Variants in RAB3C observed in about 807,000 individuals in gnomAD.
RAB3C encodes ras-related protein Rab-3C.
Under a neutral mutation model 26.4 loss-of-function variants are expected in RAB3C, and 17 were observed. That is an observed-to-expected ratio of 0.64 (90% CI 0.44 to 0.97). The LOEUF (loss-of-function observed/expected upper bound fraction) is 0.97, where lower values mean the gene tolerates loss of function less well. Among genes scored for constraint, RAB3C ranks in the 50% least tolerant of loss-of-function variants. RAB3C has a pLI of 0.00. For missense variants in RAB3C, 242 were observed against 281.9 expected (o/e 0.86, Z 1.01); for synonymous variants, 91 against 95.9 (o/e 0.95, Z 0.30).
intron 3 of RAB3C, among the ~76,000 whole-genome samples, chr5:58,791,735 T>C (rs890113133): frequency 6.6e-6 from 1 of 152,192 alleles, no homozygotes; most frequent in Admixed American, 6.5e-5. Flanking sequence ...GATAAGCAGG[T>C]CTCTACCATC....
At chr5:58,637,070 A>G (rs1368589571) in intron 2 of RAB3C, among the ~76,000 whole-genome samples, 1 of 148,256 alleles carries the variant, frequency 6.7e-6, no homozygotes, top group Non-Finnish European at 1.5e-5. Context: ...TTGAGAGAGC[A>G]TTATCATTTT....
At chr5:58,778,472 G>C (rs1416486853) in intron 3 of RAB3C, among the ~76,000 whole-genome samples, 1 of 152,104 alleles carries the variant, frequency 6.6e-6, no homozygotes, top group Admixed American at 6.6e-5. Context: ...ATAAGAAAGG[G>C]AACAAAGGCA....
At chr5:58,612,303 A>T (rs1006152645) in intron 1 of RAB3C, among the ~76,000 whole-genome samples, 3 of 151,822 alleles carry the variant, frequency 2.0e-5, no homozygotes, top group Non-Finnish European at 4.4e-5. Flanking sequence ...ATATCATTGA[A>T]TCTATAAATT....
intron 3 of RAB3C, among the ~76,000 whole-genome samples, chr5:58,762,713 A>C (rs930732103): frequency 6.6e-6 from 1 of 152,176 alleles, no homozygotes; most frequent in African/African-American, 2.4e-5. Context: ...TAAATAACTT[A>C]TTAAATTGAC....
At chr5:58,610,662 T>G (rs1250454755) in intron 1 of RAB3C, among the ~76,000 whole-genome samples, 2 of 152,118 alleles carry the variant, frequency 1.3e-5, no homozygotes, top group Non-Finnish European at 2.9e-5. Flanking sequence ...CATTTTTTTT[T>G]GGATAATTTA....
chr5:58,841,691 G>A (rs1743879141), intron 4 of RAB3C, among the ~76,000 whole-genome samples: 1 of 152,208 alleles, frequency 6.6e-6, no homozygotes, highest in Non-Finnish European at 1.5e-5. Flanking sequence ...TGTGGTGGCA[G>A]TGGGGGCTGG....
At chr5:58,613,882 G>A (rs1005200086) in intron 1 of RAB3C, among the ~76,000 whole-genome samples, 1 of 151,998 alleles carries the variant, frequency 6.6e-6, no homozygotes, top group Non-Finnish European at 1.5e-5. Context: ...AGCAGGAGGA[G>A]AGAAAGCTTA....
chr5:58,610,605 A>G (rs1746679005), intron 1 of RAB3C, among the ~76,000 whole-genome samples: 4 of 152,012 alleles, frequency 2.6e-5, no homozygotes, highest in Admixed American at 2.6e-4. Context: ...CTTCCAATAC[A>G]TATATCCCAT....
intron 2 of RAB3C, among the ~76,000 whole-genome samples, chr5:58,673,359 G>C (rs1413652404): frequency 6.6e-6 from 1 of 151,876 alleles, no homozygotes; most frequent in African/African-American, 2.4e-5. Context: ...CCAATTCAAA[G>C]TTTCTTCCCC....
At chr5:58,843,301 C>A (rs1452664017) in intron 4 of RAB3C, among the ~76,000 whole-genome samples, 1 of 152,092 alleles carries the variant, frequency 6.6e-6, no homozygotes, top group Non-Finnish European at 1.5e-5. Flanking sequence ...TCCTCCACAG[C>A]AAAAATAACT....
chr5:58,769,998 T>A (rs528380278), intron 3 of RAB3C, among the ~76,000 whole-genome samples: 2 of 152,324 alleles, frequency 1.3e-5, no homozygotes, highest in African/African-American at 4.8e-5. Context: ...ATCCATTCCA[T>A]CATGATCATT....
intron 1 of RAB3C, among the ~76,000 whole-genome samples, chr5:58,589,641 G>A (rs981667348): frequency 6.6e-6 from 1 of 151,992 alleles, no homozygotes; most frequent in Non-Finnish European, 1.5e-5. Context: ...TTAGTATATT[G>A]TATTAGGCAG....
At chr5:58,811,233 C>T (rs971754848) in intron 3 of RAB3C, among the ~76,000 whole-genome samples, 4 of 152,294 alleles carry the variant, frequency 2.6e-5, no homozygotes, top group Middle Eastern at 3.4e-3. Flanking sequence ...AACTGTGGAG[C>T]TTGGCCTTTT....
chr5:58,706,872 A>G (rs374020875), intron 2 of RAB3C, among the ~76,000 whole-genome samples: 1 of 152,236 alleles, frequency 6.6e-6, no homozygotes, highest in East Asian at 1.9e-4. Flanking sequence ...TACCGTTGAG[A>G]CAAAGGGTTT....
chr5:58,597,273 A>G (rs1179155228), intron 1 of RAB3C, among the ~76,000 whole-genome samples: 4 of 71,710 alleles, frequency 5.6e-5, no homozygotes, highest in Non-Finnish European at 8.5e-5. Context: ...AATATATTAT[A>G]TAATATATAC....
At chr5:58,820,579 T>A (rs1743314895) in intron 3 of RAB3C, among the ~76,000 whole-genome samples, 1 of 152,344 alleles carries the variant, frequency 6.6e-6, no homozygotes, top group East Asian at 1.9e-4. Flanking sequence ...GTAGCACAAA[T>A]GCTCTAGACC....
intron 2 of RAB3C, among the ~76,000 whole-genome samples, chr5:58,666,123 A>G (rs1438122668): frequency 6.6e-6 from 1 of 152,184 alleles, no homozygotes; most frequent in Non-Finnish European, 1.5e-5. Flanking sequence ...GTTCCAACAC[A>G]CAGGGGTAAG....
At chr5:58,790,237 T>C (rs776146476) in intron 3 of RAB3C, among the ~76,000 whole-genome samples, 2 of 152,228 alleles carry the variant, frequency 1.3e-5, no homozygotes, top group Non-Finnish European at 2.9e-5. Flanking sequence ...ACTAGACTTA[T>C]TATTCTAAGT....
intron 2 of RAB3C, among the ~76,000 whole-genome samples, chr5:58,631,253 G>A (rs1433626558): frequency 6.6e-6 from 1 of 152,160 alleles, no homozygotes; most frequent in Non-Finnish European, 1.5e-5. Flanking sequence ...TGACAAATAT[G>A]ATGAATCCTC....
Sources: allele counts gnomAD v4.1 joint callset (sites outside exome capture counted in the v4.1 genomes callset), GRCh38; gene constraint gnomAD v4.1.1; transcripts MANE v1.5; gene names NCBI Gene and HGNC (gene_info 2026-07-23, HGNC 2026-07-21).